The following HIVEP3 variants were observed in gnomAD, a reference collection of about 807,000 sequenced individuals.
The protein encoded by HIVEP3 is transcription factor HIVEP3.
Under a neutral mutation model 152.8 loss-of-function variants are expected in HIVEP3, and 49 were observed. That is an observed-to-expected ratio of 0.32 (90% CI 0.26 to 0.41). The LOEUF (loss-of-function observed/expected upper bound fraction) is 0.41. Among genes scored for constraint, HIVEP3 ranks in the 10% least tolerant of loss-of-function variants. The pLI is 1.00. For synonymous variants in HIVEP3, 1,269 were observed against 1,289.0 expected (o/e 0.98, Z 0.33); for missense variants, 2,790 against 3,103.3 (o/e 0.90, Z 2.40).
intron 2 of HIVEP3, among the ~76,000 whole-genome samples, chr1:41,698,885 G>A (rs1432603246): frequency 6.6e-6 from 1 of 152,120 alleles, no homozygotes; most frequent in African/African-American, 2.4e-5. Flanking sequence ...TTGTCTATGT[G>A]TCCCTTCTGG....
At chr1:41,557,531 T>C (rs1011219920) in intron 5 of HIVEP3, among the ~76,000 whole-genome samples, 4 of 151,960 alleles carry the variant, frequency 2.6e-5, no homozygotes, top group Non-Finnish European at 5.9e-5. Flanking sequence ...TGCAAAGGCA[T>C]TGGGGAATGA....
At chr1:41,893,135 A>C (rs1485641655) in intron 1 of HIVEP3, among the ~76,000 whole-genome samples, 2 of 151,746 alleles carry the variant, frequency 1.3e-5, no homozygotes, top group Non-Finnish European at 2.9e-5. Context: ...AAAAAAAAAA[A>C]AAAAAAACAG....
intron 1 of HIVEP3, among the ~76,000 whole-genome samples, chr1:41,786,754 CTTT>C (rs111637699): frequency 2.8e-5 from 4 of 140,880 alleles, no homozygotes; most frequent in Non-Finnish European, 3.1e-5. Flanking sequence ...AATTTTCTTT[CTTT>C]TTTTTTTTTT....
chr1:41,798,995 G>A (rs1199681312), intron 1 of HIVEP3, among the ~76,000 whole-genome samples: 3 of 152,116 alleles, frequency 2.0e-5, no homozygotes, highest in Non-Finnish European at 1.5e-5. Context: ...CTCTCACCTG[G>A]AGCATCACTT....
chr1:41,806,102 C>T (rs1650592482), intron 1 of HIVEP3, among the ~76,000 whole-genome samples: 1 of 152,130 alleles, frequency 6.6e-6, no homozygotes, highest in Admixed American at 6.5e-5. Context: ...CAGATGAGGC[C>T]CCCAGAGCCT....
chr1:41,693,654 G>T (rs879627023), intron 2 of HIVEP3, among the ~76,000 whole-genome samples: 1 of 152,148 alleles, frequency 6.6e-6, no homozygotes, highest in Non-Finnish European at 1.5e-5. Flanking sequence ...TGCCCATAGG[G>T]TTTTTAATTG....
Position 41,579,905 on chromosome 1 carries a change from G to A in HIVEP3, c.4893C>T (p.Cys1631=), listed in dbSNP as rs770148231. 6.2e-7 allele frequency: 1 copy of A among 1,614,246 alleles called. No homozygotes were observed. The highest frequency in any genetic ancestry group is 1.7e-5 in the Admixed American group (1 of 60,032). ...DRRSSVYAGW[C]ISLYNPNLPG... ...GAAGGTTGGGGTTGTACAAACTTAT[G>A]CACCAACCAGCGTAAACAGAGGACC... Residue 1631 remains cysteine, a synonymous_variant, in exon 4 of 9, where the codon TGC becomes TGT. Transcript: ENST00000372583.
intron 1 of HIVEP3, among the ~76,000 whole-genome samples, chr1:41,951,511 A>G (rs10890172): frequency 0.45 from 68,313 of 152,066 alleles, 16,478 homozygotes; most frequent in East Asian, 0.71. Flanking sequence ...TGTTCATTTT[A>G]TGTAAATTCT....
At chr1:41,935,435 G>C (rs72949466) in intron 1 of HIVEP3, among the ~76,000 whole-genome samples, 5,872 of 152,078 alleles carry the variant, frequency 0.039, 366 homozygotes, top group African/African-American at 0.13. Context: ...CCTTGCATAA[G>C]AACACAAAAG....
intron 2 of HIVEP3, among the ~76,000 whole-genome samples, chr1:41,685,364 G>C (rs562473244): frequency 4.9e-4 from 74 of 152,304 alleles, no homozygotes; most frequent in Non-Finnish European, 9.6e-4. Flanking sequence ...TATGTTGAGA[G>C]CAGGTCCTTG....
At chr1:42,009,035 C>T (rs761829055) in intron 1 of HIVEP3, among the ~76,000 whole-genome samples, 1 of 152,198 alleles carries the variant, frequency 6.6e-6, no homozygotes, top group Non-Finnish European at 1.5e-5. Flanking sequence ...ACAAAGCCAA[C>T]AAGCTAAGGA....
intron 1 of HIVEP3, among the ~76,000 whole-genome samples, chr1:41,973,115 G>T (rs1462982657): frequency 6.6e-6 from 1 of 152,042 alleles, no homozygotes; most frequent in Non-Finnish European, 1.5e-5. Context: ...TCTGGAAATA[G>T]CATGGAATTT....
intron 1 of HIVEP3, among the ~76,000 whole-genome samples, chr1:41,770,113 C>T (rs113053624): frequency 0.052 from 7,910 of 152,080 alleles, 244 homozygotes; most frequent in Middle Eastern, 0.15. Context: ...GGACTACAGG[C>T]GCCCACCACC....
intron 2 of HIVEP3, among the ~76,000 whole-genome samples, chr1:41,663,487 T>A (rs1003371785): frequency 2.0e-5 from 3 of 152,198 alleles, no homozygotes; most frequent in African/African-American, 7.2e-5. Context: ...GCTCCAGGTT[T>A]CCTCTGGCTC....
chr1:41,841,723 A>G (rs6681052), intron 1 of HIVEP3, among the ~76,000 whole-genome samples: 45 of 152,354 alleles, frequency 3.0e-4, no homozygotes, highest in African/African-American at 1.0e-3. Context: ...TGATGGCTCC[A>G]GAGGGAGTGT....
chr1:41,561,002 T>C (rs1644051730), intron 5 of HIVEP3, among the ~76,000 whole-genome samples: 2 of 152,188 alleles, frequency 1.3e-5, no homozygotes, highest in African/African-American at 4.8e-5. Context: ...TTCCTCCTTA[T>C]GGAGACAAGG....
At chr1:41,896,576 T>C (rs1445306080) in intron 1 of HIVEP3, among the ~76,000 whole-genome samples, 1 of 143,050 alleles carries the variant, frequency 7.0e-6, no homozygotes, top group Non-Finnish European at 1.5e-5. Flanking sequence ...ACTTTTCTTT[T>C]CTTTTTTTTT....
chr1:41,585,241 G>A lies in HIVEP3; in HGVS notation c.-444C>T, dbSNP rs1208924621. 2.5e-6 allele frequency: 1 copy of A among 398,930 alleles called. No individual in the cohort carries two copies. Among genetic ancestry groups the A allele is most frequent in the Non-Finnish European group, 4.4e-6 (1 of 226,218 alleles). The allele number at this position is 398,930 out of a possible 1,614,324, so 24.7% of individuals were successfully genotyped here. A position where few individuals can be genotyped will look rare whatever the true frequency, so the allele number is the denominator to read the frequency against. On this transcript the variant is annotated 5_prime_UTR_variant, in exon 4 of 9. Transcript: ENST00000372583. ...TCCTGGCACAAGAGATGCCACGCTG[G>A]ATGCTGGGGGTGGCTCTTCTCCCCT...
At chr1:41,726,343 C>T (rs1322949274) in intron 1 of HIVEP3, among the ~76,000 whole-genome samples, 3 of 152,118 alleles carry the variant, frequency 2.0e-5, no homozygotes, top group Admixed American at 6.5e-5. Flanking sequence ...TAAGTTGTAA[C>T]AGGGAAACTA....
Sources: allele counts gnomAD v4.1 joint callset (sites outside exome capture counted in the v4.1 genomes callset), GRCh38; gene constraint gnomAD v4.1.1; transcripts MANE v1.5; gene names NCBI Gene and HGNC (gene_info 2026-07-23, HGNC 2026-07-21).